The following ARFGEF3 variants were observed in gnomAD, a reference collection of about 807,000 sequenced individuals.
ARFGEF3 encodes the protein ARFGEF family member 3, also known as brefeldin A-inhibited guanine nucleotide-exchange protein 3.
ARFGEF3 carries 96 observed loss-of-function variants against 221.7 expected under a neutral mutation model. The ratio of observed to expected loss-of-function variants is 0.43; its 90% CI spans 0.37 to 0.51. The LOEUF is 0.51. Among genes scored for constraint, ARFGEF3 ranks in the 20% least tolerant of loss-of-function variants. ARFGEF3 has a pLI of 0.00. For missense variants in ARFGEF3, 2,410 were observed against 2,789.9 expected (o/e 0.86, Z 3.07); for synonymous variants, 1,145 against 1,126.8 (o/e 1.02, Z -0.32).
intron 2 of ARFGEF3, among the ~76,000 whole-genome samples, chr6:138,201,069 A>G (rs1027525953): frequency 2.0e-5 from 3 of 152,258 alleles, no homozygotes; most frequent in Non-Finnish European, 4.4e-5. Context: ...ACATACAAAA[A>G]AATGCTCACC....
At chr6:138,192,383 A>G (rs941218898) in intron 2 of ARFGEF3, among the ~76,000 whole-genome samples, 4 of 152,202 alleles carry the variant, frequency 2.6e-5, no homozygotes, top group African/African-American at 7.2e-5. Context: ...GCTACTTGGG[A>G]GGCTGAGGCA....
rs1242499988 is a variant in ARFGEF3 at position 138,162,004 on chromosome 6, G to A, written c.-83G>A. On this transcript the variant is annotated 5_prime_UTR_variant, in exon 1 of 34. Coordinates refer to ENST00000251691, the MANE Select transcript of ARFGEF3 (RefSeq NM_020340.5). This position sits in a 1 kb window ranked among gnomAD's most constrained non-coding sequence, Gnocchi z 4.7. ...GCGCGGCGGCCGCCTAGGCGCCCAG[G>A]GCCAGGCAGCGGCGGCTTCCCCGGC... The A allele has an allele frequency of 5.2e-6, 5 of 970,104 alleles. No homozygotes were observed. The highest frequency in any genetic ancestry group is 2.8e-5 in the Admixed American group (1 of 35,216). 60.1% of individuals were successfully genotyped at this position (970,104 alleles called of 1,614,324 possible). A position where few individuals can be genotyped will look rare whatever the true frequency, so the allele number is the denominator to read the frequency against.
rs930246259 is a variant in ARFGEF3 at position 138,341,943 on chromosome 6, T to G, written c.*5457T>G. The G allele has an allele frequency of 1.3e-5, 2 of 152,164 alleles. No individual in the cohort carries two copies. The highest frequency in any genetic ancestry group is 6.5e-5 in the Admixed American group (1 of 15,278). The allele number at this position is 152,164 out of a possible 1,614,324, so 9.4% of individuals were successfully genotyped here. On this transcript the variant is annotated 3_prime_UTR_variant, in exon 34 of 34. Transcript: ENST00000251691. ...ACCTTTTCTCTGTATCTTTGTACAA[T>G]ACTACAAAGGGGTACCAGGGAGGAG...
intron 4 of ARFGEF3, among the ~76,000 whole-genome samples, chr6:138,211,608 CT>C (rs1248055202): frequency 6.6e-6 from 1 of 152,128 alleles, no homozygotes; most frequent in East Asian, 1.9e-4. Context: ...GGAGAGTGAG[CT>C]TTGGTGTCAT....
chr6:138,188,397 C>T (rs1010477427), intron 2 of ARFGEF3, among the ~76,000 whole-genome samples: 2 of 152,100 alleles, frequency 1.3e-5, no homozygotes, highest in African/African-American at 4.8e-5. Flanking sequence ...CTTTTACTGT[C>T]TTAGTTTGAC....
chr6:138,330,094 G>T (rs866153967), intron 32 of ARFGEF3, among the ~76,000 whole-genome samples: 2 of 152,094 alleles, frequency 1.3e-5, no homozygotes, highest in South Asian at 4.1e-4. Flanking sequence ...GTTAAGGCAG[G>T]AACAGGCCAT....
intron 9 of ARFGEF3, among the ~76,000 whole-genome samples, chr6:138,254,889 C>T (rs911028534): frequency 8.5e-5 from 13 of 152,108 alleles, no homozygotes; most frequent in South Asian, 4.1e-4. Flanking sequence ...GTTTTCAGCT[C>T]GTTCAAAAAG....
intron 4 of ARFGEF3, chr6:138,218,473 C>T: frequency 1.4e-6 from 2 of 1,457,474 alleles, no homozygotes; most frequent in Non-Finnish European, 1.8e-6. Context: ...CAATTAGCCA[C>T]CTCGATATAT....
At chr6:138,189,951 G>C (rs1777264385) in intron 2 of ARFGEF3, among the ~76,000 whole-genome samples, 1 of 151,790 alleles carries the variant, frequency 6.6e-6, no homozygotes, top group Admixed American at 6.6e-5. Flanking sequence ...AGCCATGGTG[G>C]CACATCCCTG....
chr6:138,200,356 C>CATA (rs1777511448), intron 2 of ARFGEF3, among the ~76,000 whole-genome samples: 1 of 151,966 alleles, frequency 6.6e-6, no homozygotes, highest in Non-Finnish European at 1.5e-5. Flanking sequence ...AAAAAGAGCC[C>CATA]GCATAGCCAA....
intron 2 of ARFGEF3, among the ~76,000 whole-genome samples, chr6:138,193,931 A>AT (rs544075091): frequency 3.3e-4 from 50 of 152,160 alleles, no homozygotes; most frequent in African/African-American, 1.2e-3. Context: ...TAGAGTTGTC[A>AT]TTTTTTTAAG....
chr6:138,166,154 T>C (rs1776717903), intron 1 of ARFGEF3, among the ~76,000 whole-genome samples: 1 of 152,256 alleles, frequency 6.6e-6, no homozygotes, highest in Admixed American at 6.5e-5. Context: ...TATGCTTCTT[T>C]GGTTGCTTCT....
At chr6:138,217,022 G>A (rs1777878644) in intron 4 of ARFGEF3, 1 of 152,154 alleles carries the variant, frequency 6.6e-6, no homozygotes, top group African/African-American at 2.4e-5. Flanking sequence ...CCTTTGATAT[G>A]ACTGCCTTCA....
intron 7 of ARFGEF3, among the ~76,000 whole-genome samples, chr6:138,243,732 A>G (rs1391792414): frequency 6.6e-6 from 1 of 151,458 alleles, no homozygotes; most frequent in Non-Finnish European, 1.5e-5. Context: ...AAAAAAAGGG[A>G]GAGAATGAAA....
chr6:138,207,108 T>C lies in ARFGEF3; in HGVS notation c.204T>C (p.Ala68=). Residue 68 remains alanine (A), a synonymous_variant, in exon 3 of 34, where the codon GCT becomes GCC. Coordinates refer to ENST00000251691, the MANE Select transcript of ARFGEF3 (RefSeq NM_020340.5). ...AGAATGTGAAGCTGGCCCAACATGC[T>C]TTGGCAGGGATGCAGGTATGGCTTT... The part of the protein sequence containing the change: ...ESKNVKLAQH[A]LAGMQKLLSE... 1 of 1,610,998 alleles carries C rather than the reference T, an allele frequency of 6.2e-7. No individual in the cohort carries two copies.
At position 138,162,345 on chromosome 6, in the gene ARFGEF3, C is replaced by T. The variant is rs1776634593; in HGVS notation, c.85+174C>T. Among the ~76,000 whole-genome samples the T allele has an allele frequency of 1.3e-5, 2 of 152,200 alleles. No homozygotes were observed. The highest frequency in any genetic ancestry group is 4.1e-4 in the South Asian group (2 of 4,832). Reference sequence around the variant, plus strand: ...TTGAGAGTCTTGGCTCGGGCGTGGACATCAGCCGCCTCCCCTCCGGTCTCT... The same window carrying T: ...TTGAGAGTCTTGGCTCGGGCGTGGATATCAGCCGCCTCCCCTCCGGTCTCT... On this transcript the variant is annotated intron_variant, in intron 1 of 33. Transcript: ENST00000251691. The surrounding 1 kb of genome is among the most constrained non-coding windows in gnomAD (Gnocchi z 4.7).
Position 138,336,395 on chromosome 6 carries a change from A to G in ARFGEF3, c.6443A>G (p.Gln2148Arg). 2 of 1,613,506 alleles carry G rather than the reference A, an allele frequency of 1.2e-6. No individual in the cohort carries two copies. The highest frequency in any genetic ancestry group is 1.7e-6 in the Non-Finnish European group (2 of 1,179,712). Residue 2148 changes from glutamine (Q) to arginine (R), a missense_variant, in exon 34 of 34, where the codon CAG (glutamine) becomes CGG (arginine). Physicochemically the swap from Gln to Arg is conservative, Grantham distance 43. Coordinates refer to ENST00000251691, the MANE Select transcript of ARFGEF3 (RefSeq NM_020340.5). ...CCCGCAGTGTTCCCGTGCATCAGTC[A>G]GCTGACCTGTCACGTGACCGACATC... ...LQPAVFPCIS[Q>R]LTCHVTDIRV... is the part of the protein sequence containing the mutation.
chr6:138,338,936 AC>A lies in ARFGEF3; in HGVS notation c.*2451del, dbSNP rs1211716407. 6.6e-6 allele frequency: 1 copy of A among 152,198 alleles called. No homozygotes were observed. Among genetic ancestry groups the A allele is most frequent in the Non-Finnish European group, 1.5e-5 (1 of 68,042 alleles). 9.4% of individuals were successfully genotyped at this position (152,198 alleles called of 1,614,324 possible). On this transcript the variant is annotated 3_prime_UTR_variant, in exon 34 of 34. Transcript: ENST00000251691. Reference sequence around the variant, plus strand: ...TAAGTTTACCCTGTACTGTGTCCAAACACTGTTCTAGTTCTAGCCTGATTAT... The same window carrying A: ...TAAGTTTACCCTGTACTGTGTCCAAAACTGTTCTAGTTCTAGCCTGATTAT...
chr6:138,248,469 A>T (rs1409609781), intron 8 of ARFGEF3, among the ~76,000 whole-genome samples: 5 of 152,220 alleles, frequency 3.3e-5, no homozygotes, highest in Non-Finnish European at 7.3e-5. Flanking sequence ...TGCATTTGTT[A>T]CTTCACAAGC....
Sources: allele counts gnomAD v4.1 joint callset (sites outside exome capture counted in the v4.1 genomes callset), GRCh38; gene constraint gnomAD v4.1.1; non-coding constraint Gnocchi (gnomAD v3.1); transcripts MANE v1.5; gene names NCBI Gene and HGNC (gene_info 2026-07-23, HGNC 2026-07-21).